Variants in MATN2 observed in about 807,000 individuals in gnomAD.
MATN2 encodes matrilin 2.
MATN2 carries 69 observed loss-of-function variants against 103.2 expected under a neutral mutation model. The observed-to-expected ratio is 0.67, with a 90% CI of 0.55 to 0.82. The LOEUF (loss-of-function observed/expected upper bound fraction) is 0.82, where lower values mean the gene tolerates loss of function less well. MATN2 is among the 40% of genes least tolerant of loss of function. MATN2 has a pLI of 0.00. For missense variants in MATN2, 1,023 were observed against 1,211.5 expected, an observed-to-expected ratio of 0.84 and a Z score of 2.31; for synonymous variants, 429 against 450.2, an observed-to-expected ratio of 0.95 and a Z score of 0.60.
chr8:98,032,538 G>T (rs559757166), intron 16 of MATN2, among the ~76,000 whole-genome samples: 1 of 149,246 alleles, frequency 6.7e-6, no homozygotes, highest in East Asian at 1.9e-4. Context: ...TGTTTTTGTT[G>T]TTGTTGTTTT....
chr8:97,884,901 T>A (rs1818375634), intron 1 of MATN2, among the ~76,000 whole-genome samples: 1 of 152,234 alleles, frequency 6.6e-6, no homozygotes, highest in Non-Finnish European at 1.5e-5. Flanking sequence ...ATATAACAAT[T>A]AGGTCTACTG....
intron 10 of MATN2, among the ~76,000 whole-genome samples, chr8:98,009,058 C>A (rs1457199456): frequency 6.6e-6 from 1 of 152,182 alleles, no homozygotes; most frequent in African/African-American, 2.4e-5. Flanking sequence ...GAACCATCTA[C>A]ATGAGTAAAT....
Position 98,018,001 on chromosome 8 carries a change from T to C in MATN2, c.1704T>C (p.Asp568=). The change falls in exon 12 of 19, where the codon GAT becomes GAC. Residue 568 remains aspartate (D), a synonymous_variant. Coordinates refer to ENST00000254898, the MANE Select transcript of MATN2 (RefSeq NM_002380.5). ...TTGCTCTCCTGTCTTCAGGGAAAGA[T>C]GTCTGCCAAGCTATAGACCATGGCT... ...REDGKTCRRK[D]VCQAIDHGCE... is the part of the protein sequence containing the mutation. The C allele has an allele frequency of 6.2e-7, 1 of 1,613,560 alleles. No homozygotes were observed. The highest frequency in any genetic ancestry group is 8.5e-7 in the Non-Finnish European group (1 of 1,179,624).
chr8:97,983,316 A>G (rs748332546), intron 6 of MATN2, among the ~76,000 whole-genome samples: 1 of 152,078 alleles, frequency 6.6e-6, no homozygotes, highest in Non-Finnish European at 1.5e-5. Context: ...CCTTTTGCCT[A>G]TTGTGAATAA....
intron 2 of MATN2, among the ~76,000 whole-genome samples, chr8:97,926,090 T>G (rs1378123): frequency 0.65 from 99,374 of 151,976 alleles, 33,197 homozygotes; most frequent in East Asian, 0.92. Context: ...TAAAAGACAC[T>G]CATTTGCCCA....
At chr8:97,995,091 G>C (rs777339192) in intron 7 of MATN2, among the ~76,000 whole-genome samples, 2 of 152,168 alleles carry the variant, frequency 1.3e-5, no homozygotes, top group Non-Finnish European at 2.9e-5. Context: ...GGGTGTCAGC[G>C]GGTTGATATT....
chr8:97,977,319 G>T (rs144019424), intron 5 of MATN2, among the ~76,000 whole-genome samples: 1 of 151,002 alleles, frequency 6.6e-6, no homozygotes, highest in African/African-American at 2.4e-5. Context: ...AAAGTGTTTG[G>T]GTCGTAGGGA....
intron 6 of MATN2, among the ~76,000 whole-genome samples, chr8:97,987,524 C>T (rs1812234061): frequency 1.3e-5 from 2 of 152,148 alleles, no homozygotes; most frequent in Non-Finnish European, 2.9e-5. Flanking sequence ...ATTTCTTCTT[C>T]TTGCTTTTTT....
intron 2 of MATN2, among the ~76,000 whole-genome samples, chr8:97,919,155 C>G (rs1170334176): frequency 6.6e-6 from 1 of 152,174 alleles, no homozygotes; most frequent in African/African-American, 2.4e-5. Flanking sequence ...GTCTCTCAGG[C>G]TCACATAACC....
At chr8:97,878,444 G>A (rs2129941566) in intron 1 of MATN2, among the ~76,000 whole-genome samples, 1 of 151,988 alleles carries the variant, frequency 6.6e-6, no homozygotes, top group East Asian at 1.9e-4. Flanking sequence ...TCAGTTACTG[G>A]GGAGGCTGAG....
At chr8:97,887,814 T>C (rs1375194343) in intron 1 of MATN2, 1 of 257,300 alleles carries the variant, frequency 3.9e-6, no homozygotes, top group Admixed American at 5.5e-5. Context: ...CAGGATAGAT[T>C]TTTCTCAAGT....
At chr8:97,878,293 A>C (rs889176094) in intron 1 of MATN2, among the ~76,000 whole-genome samples, 2 of 152,204 alleles carry the variant, frequency 1.3e-5, no homozygotes, top group African/African-American at 4.8e-5. Flanking sequence ...AGCCAGGCAC[A>C]GTGCCTCACA....
chr8:97,923,771 G>A (rs1809894930), intron 2 of MATN2, among the ~76,000 whole-genome samples: 1 of 152,154 alleles, frequency 6.6e-6, no homozygotes, highest in Non-Finnish European at 1.5e-5. Flanking sequence ...TGGCCAGGCT[G>A]ATCTCAAACT....
At chr8:98,027,358 C>T (rs2130445292) in intron 13 of MATN2, 58 bp from the exon 14 acceptor site, 1 of 1,434,370 alleles carries the variant, frequency 7.0e-7, no homozygotes, top group Non-Finnish European at 9.5e-7. Flanking sequence ...TTTTATTCTA[C>T]TCTTGTGCAT....
intron 5 of MATN2, among the ~76,000 whole-genome samples, chr8:97,976,002 G>A (rs1374379063): frequency 6.6e-6 from 1 of 152,214 alleles, no homozygotes; most frequent in Admixed American, 6.5e-5. Context: ...CAATGACGTT[G>A]AGATCCTGAG....
chr8:98,009,477 G>C (rs1813085755), intron 10 of MATN2, among the ~76,000 whole-genome samples: 3 of 152,168 alleles, frequency 2.0e-5, no homozygotes, highest in Non-Finnish European at 2.9e-5. Flanking sequence ...CCTCCACTTA[G>C]AGCTTTGATA....
At chr8:97,965,121 T>C (rs1811439540) in intron 5 of MATN2, among the ~76,000 whole-genome samples, 2 of 152,218 alleles carry the variant, frequency 1.3e-5, no homozygotes. Context: ...ATAAATTACA[T>C]AATCACCCTA....
rs1028597456 is a variant in MATN2, at chr8:98,021,878, A to C, written c.1942+551A>C. ...TTAACCTATTAGTTACCAGAGATCA[A>C]AAAGTTTGATTCCTTATGTTGGCAA... On this transcript the variant is annotated intron_variant, in intron 13 of 18. Coordinates refer to ENST00000254898, the MANE Select transcript of MATN2 (RefSeq NM_002380.5). Among the ~76,000 whole-genome samples the C allele has an allele frequency of 4.6e-5, 7 of 152,326 alleles. No homozygotes were observed. In the South Asian group the frequency reaches 1.2e-3, roughly 27 times the overall value.
At chr8:97,909,984 C>T (rs576982033) in intron 2 of MATN2, among the ~76,000 whole-genome samples, 6 of 151,794 alleles carry the variant, frequency 4.0e-5, no homozygotes, top group South Asian at 2.1e-4. Flanking sequence ...GGGGTTTCAC[C>T]GTGTTAGCCA....
Sources: allele counts gnomAD v4.1 joint callset (sites outside exome capture counted in the v4.1 genomes callset), GRCh38; gene constraint gnomAD v4.1.1; transcripts MANE v1.5; gene names NCBI Gene and HGNC (gene_info 2026-07-23, HGNC 2026-07-21).